Variants in AMZ2 observed in about 807,000 individuals in gnomAD.
The protein encoded by AMZ2 is archaelysin family metallopeptidase 2.
AMZ2 carries 26 observed loss-of-function variants against 36.7 expected under a neutral mutation model. That is an observed-to-expected ratio of 0.71 (90% confidence interval 0.52 to 0.98). AMZ2 has a LOEUF of 0.98. Ranked by LOEUF, AMZ2 falls within the 50% of genes least tolerant of loss-of-function variation. The pLI, the probability that AMZ2 is intolerant of heterozygous loss-of-function variation, is 0.00. For synonymous variants in AMZ2, 144 were observed against 149.1 expected (o/e 0.97, Z 0.25); for missense variants, 394 against 430.5 (o/e 0.92, Z 0.75).
Position 68,207,319 on chromosome 17 carries a change from C to CCCCG in AMZ2, c.-67+1084_-67+1085insGCCC, listed in dbSNP as rs1555724644. 5 of 140,508 alleles carry CCCCG rather than the reference C, an allele frequency of 3.6e-5. No homozygotes were observed. The South Asian group carries it at 1.3e-3, about 35-fold the overall frequency. 8.7% of individuals were successfully genotyped at this position (140,508 alleles called of 1,614,324 possible). A position where few individuals can be genotyped will look rare whatever the true frequency, so the allele number is the denominator to read the frequency against. ...AAGATGCATTTTGTTAAATACCCCC[C>CCCCG]CCCCACAAAGGCTGCTTTGTATTAA... is the stretch of plus-strand genomic sequence containing the variant. On this transcript the variant is annotated intron_variant, in intron 1 of 7. Coordinates refer to the AMZ2 transcript ENST00000674770.
intron 2 of AMZ2, 151 bp from the exon 3 acceptor site, chr17:68,250,643 T>C (rs2074385309): frequency 8.2e-7 from 1 of 1,214,180 alleles, no homozygotes; most frequent in African/African-American, 1.5e-5. Flanking sequence ...ATTTTGTTTC[T>C]TTTTGTTTCA....
At chr17:68,251,400 A>G (rs2074461330) in intron 4 of AMZ2, 4 of 456,112 alleles carry the variant, frequency 8.8e-6, no homozygotes, top group South Asian at 5.4e-5. Flanking sequence ...AACAATACCC[A>G]CATCATGGAG....
chr17:68,237,206 G>A (rs1224537242), intron 1 of AMZ2, among the ~76,000 whole-genome samples: 5 of 152,114 alleles, frequency 3.3e-5, no homozygotes, highest in East Asian at 1.9e-4. Flanking sequence ...AAATTAGAAT[G>A]TACAATTCTA....
chr17:68,243,395 A>G (rs1296506873), upstream of AMZ2, among the ~76,000 whole-genome samples: 2 of 152,216 alleles, frequency 1.3e-5, no homozygotes, highest in African/African-American at 2.4e-5. Flanking sequence ...TTGGCCTCCC[A>G]AAGTGCTGGG....
At chr17:68,222,653 C>T (rs529361377) in intron 1 of AMZ2, among the ~76,000 whole-genome samples, 6 of 152,300 alleles carry the variant, frequency 3.9e-5, no homozygotes, top group South Asian at 2.1e-4. Context: ...GATAGATCAT[C>T]GAGCATTAGA....
At chr17:68,231,947 A>G (rs1308962194) in intron 1 of AMZ2, among the ~76,000 whole-genome samples, 1 of 152,048 alleles carries the variant, frequency 6.6e-6, no homozygotes, top group Admixed American at 6.6e-5. Context: ...TGTTCATCTG[A>G]AATTCTGATG....
chr17:68,237,507 C>T (rs1555732909), intron 1 of AMZ2, among the ~76,000 whole-genome samples: 1 of 152,242 alleles, frequency 6.6e-6, no homozygotes, highest in Non-Finnish European at 1.5e-5. Flanking sequence ...CTCTCATCAT[C>T]TGCTACAGGG....
At position 68,254,526 on chromosome 17, in the gene AMZ2, A is replaced by G. The variant is rs782168619; in HGVS notation, c.709A>G (p.Ile237Val). The G allele has an allele frequency of 3.1e-6, 5 of 1,613,108 alleles. No individual in the cohort carries two copies. The African/African-American group carries it at 6.7e-5, about 22-fold the overall frequency. ...CTATTCAATTTTCGACAACTATTAT[A>G]TTCCAGAAATAACTAGTGTTTTACT... ...SDYSIFDNYY[I>V]PEITSVLLLR... The change falls in exon 5 of 7, where the codon ATT becomes GTT. Residue 237 changes from isoleucine (I) to valine (V), a missense_variant. Physicochemically the swap from Ile to Val is conservative, Grantham distance 29. Coordinates refer to ENST00000359904, the MANE Select transcript of AMZ2 (RefSeq NM_016627.5).
At chr17:68,208,531 C>A (rs1431821883) in intron 1 of AMZ2, among the ~76,000 whole-genome samples, 1 of 152,186 alleles carries the variant, frequency 6.6e-6, no homozygotes, top group East Asian at 1.9e-4. Flanking sequence ...ACTCGGCTCT[C>A]TGTAAAATGG....
At chr17:68,229,018 G>A (rs2073591966) in intron 1 of AMZ2, among the ~76,000 whole-genome samples, 1 of 152,230 alleles carries the variant, frequency 6.6e-6, no homozygotes, top group African/African-American at 2.4e-5. Flanking sequence ...TGGCCAGGTG[G>A]CGAGTCCTGT....
chr17:68,226,661 G>C (rs2073524284), intron 1 of AMZ2, among the ~76,000 whole-genome samples: 1 of 152,140 alleles, frequency 6.6e-6, no homozygotes, highest in Admixed American at 6.5e-5. Flanking sequence ...TGGAGGGCAG[G>C]CATCATGCAT....
At chr17:68,225,934 T>C (rs1306341924) in intron 1 of AMZ2, among the ~76,000 whole-genome samples, 2 of 152,136 alleles carry the variant, frequency 1.3e-5, no homozygotes, top group Non-Finnish European at 2.9e-5. Flanking sequence ...TAATGTTCAT[T>C]TTTCAGCATG....
upstream of AMZ2, among the ~76,000 whole-genome samples, chr17:68,243,424 T>A (rs1176094485): frequency 6.6e-6 from 1 of 152,204 alleles, no homozygotes; most frequent in Non-Finnish European, 1.5e-5. Flanking sequence ...CATGAGCCAC[T>A]GTGCCCAGCT....
At chr17:68,217,624 A>T (rs1234185049) in intron 1 of AMZ2, among the ~76,000 whole-genome samples, 1 of 152,144 alleles carries the variant, frequency 6.6e-6, no homozygotes, top group Non-Finnish European at 1.5e-5. Flanking sequence ...TTTGTGGTAG[A>T]TTACATGTGG....
At chr17:68,215,510 A>C (rs12950695) in intron 1 of AMZ2, among the ~76,000 whole-genome samples, 13,761 of 107,998 alleles carry the variant, frequency 0.13, 960 homozygotes, top group African/African-American at 0.37. Context: ...GCCGAGATGG[A>C]GCCACTGTAC....
chr17:68,243,486 T>C (rs1217878041), upstream of AMZ2, among the ~76,000 whole-genome samples: 3 of 152,236 alleles, frequency 2.0e-5, no homozygotes, highest in African/African-American at 7.2e-5. Context: ...AACATACATG[T>C]AATTTATGGT....
chr17:68,243,136 G>T (rs1555734456), upstream of AMZ2, among the ~76,000 whole-genome samples: 1 of 146,240 alleles, frequency 6.8e-6, no homozygotes, highest in African/African-American at 2.5e-5. Flanking sequence ...TTGTCTTTGA[G>T]AAATGATTTT....
chr17:68,247,336 CAAAAAAA>C (rs71142158), upstream of AMZ2: 17 of 78,200 alleles, frequency 2.2e-4, no homozygotes, highest in South Asian at 4.8e-4. Flanking sequence ...ACTCCGTCTC[CAAAAAAA>C]AAAAAAAAAA....
chr17:68,212,260 T>C (rs1178312537), intron 1 of AMZ2, among the ~76,000 whole-genome samples: 2 of 152,184 alleles, frequency 1.3e-5, no homozygotes, highest in Non-Finnish European at 2.9e-5. Flanking sequence ...TAGTTCCAGC[T>C]ACTTGAGAAG....
Sources: allele counts gnomAD v4.1 joint callset (sites outside exome capture counted in the v4.1 genomes callset), GRCh38; gene constraint gnomAD v4.1.1; transcripts MANE v1.5; gene names NCBI Gene and HGNC (gene_info 2026-07-23, HGNC 2026-07-21).